CEP128: variants seen among roughly 807,000 people sequenced by gnomAD.
CEP128 encodes the protein centrosomal protein 128kDa.
In CEP128, 132 loss-of-function variants were observed where a neutral mutation model predicts 156.7. That is an observed-to-expected ratio of 0.84 (90% CI 0.73 to 0.97). The LOEUF (loss-of-function observed/expected upper bound fraction) is 0.97. Among genes scored for constraint, CEP128 ranks in the 50% least tolerant of loss-of-function variants. The probability of loss-of-function intolerance (pLI) is 0.00; values close to 1 mark genes in which losing one functional copy is unlikely to be tolerated. For missense variants in CEP128, 1,252 were observed against 1,281.9 expected (o/e 0.98, Z 0.36); for synonymous variants, 469 against 448.9 (o/e 1.04, Z -0.57).
rs140213266 is a variant in CEP128 at position 80,533,375 on chromosome 14, A to G, written c.2881-2489T>C. Among the ~76,000 whole-genome samples the G allele has an allele frequency of 1.1e-3, 171 of 152,242 alleles. 1 individual carries two copies. Among genetic ancestry groups the G allele is most frequent in the African/African-American group, 3.9e-3 (163 of 41,562 alleles). ...TTCTCATTTTGAAGTGATCTTCTGA[A>G]CCAAGGTTAAGTAAGTATGTAAAAC... On this transcript the variant is annotated intron_variant, in intron 21 of 24. Coordinates refer to ENST00000555265, the MANE Select transcript of CEP128 (RefSeq NM_152446.5).
intron 19 of CEP128, among the ~76,000 whole-genome samples, chr14:80,740,479 GA>G (rs1898761264): frequency 8.1e-6 from 1 of 123,278 alleles, no homozygotes; most frequent in African/African-American, 2.9e-5. Context: ...CACACACACA[GA>G]TTCATATTTA....
At chr14:80,635,350 A>G (rs1052728386) in intron 19 of CEP128, among the ~76,000 whole-genome samples, 8 of 152,216 alleles carry the variant, frequency 5.3e-5, no homozygotes, top group African/African-American at 1.7e-4. Flanking sequence ...AATTGACATC[A>G]TCACTATCAC....
chr14:80,735,558 C>A (rs1290972808), intron 19 of CEP128, among the ~76,000 whole-genome samples: 1 of 152,140 alleles, frequency 6.6e-6, no homozygotes, highest in African/African-American at 2.4e-5. Context: ...AATCAAGTAG[C>A]AGAGAACCTA....
intron 19 of CEP128, among the ~76,000 whole-genome samples, chr14:80,741,997 C>CCCCACAAATG (rs1898856655): frequency 6.6e-6 from 1 of 152,122 alleles, no homozygotes; most frequent in African/African-American, 2.4e-5. Context: ...CCACAGGGAC[C>CCCCACAAATG]TCAGCAGAAG....
chr14:80,688,663 T>C (rs1896607104), intron 19 of CEP128, among the ~76,000 whole-genome samples: 1 of 152,220 alleles, frequency 6.6e-6, no homozygotes, highest in Non-Finnish European at 1.5e-5. Flanking sequence ...TGTGAGTTGA[T>C]GCCAGCTGTT....
intron 16 of CEP128, among the ~76,000 whole-genome samples, chr14:80,776,255 A>G (rs966085191): frequency 1.3e-5 from 2 of 152,104 alleles, no homozygotes; most frequent in Non-Finnish European, 2.9e-5. Context: ...TTTTATTTTG[A>G]AAAAGTTGAA....
At chr14:80,927,239 C>T (rs1161560353) in intron 2 of CEP128, among the ~76,000 whole-genome samples, 1 of 152,194 alleles carries the variant, frequency 6.6e-6, no homozygotes, top group African/African-American at 2.4e-5. Context: ...GAACCTTCCA[C>T]TTGTGGGAAG....
intron 19 of CEP128, among the ~76,000 whole-genome samples, chr14:80,614,766 A>G (rs187893953): frequency 9.8e-5 from 15 of 152,310 alleles, no homozygotes; most frequent in African/African-American, 3.6e-4. Context: ...CTAGTGTACG[A>G]TGACTTTTCT....
chr14:80,837,912 C>T (rs763862432), intron 11 of CEP128, among the ~76,000 whole-genome samples: 1 of 152,156 alleles, frequency 6.6e-6, no homozygotes, highest in Non-Finnish European at 1.5e-5. Flanking sequence ...TTATCTTATA[C>T]ATTCAGTCTT....
intron 19 of CEP128, among the ~76,000 whole-genome samples, chr14:80,585,908 GATAAA>G (rs1396801980): frequency 7.3e-6 from 1 of 136,420 alleles, no homozygotes; most frequent in African/African-American, 2.6e-5. Context: ...AAATTCATCA[GATAAA>G]GCAGCACATT....
At chr14:80,782,711 A>T (rs1249925214) in intron 15 of CEP128, among the ~76,000 whole-genome samples, 1 of 151,710 alleles carries the variant, frequency 6.6e-6, no homozygotes, top group Non-Finnish European at 1.5e-5. Flanking sequence ...TTTTTTATCA[A>T]ATCCCCTCAC....
intron 21 of CEP128, among the ~76,000 whole-genome samples, chr14:80,547,146 C>G (rs1461080587): frequency 2.0e-5 from 3 of 152,270 alleles, no homozygotes; most frequent in African/African-American, 4.8e-5. Context: ...GTAATGCAAT[C>G]TAGGGGCAGG....
At chr14:80,630,669 C>T (rs762115940) in intron 19 of CEP128, among the ~76,000 whole-genome samples, 28 of 151,994 alleles carry the variant, frequency 1.8e-4, no homozygotes, top group Non-Finnish European at 2.9e-4. Flanking sequence ...AAGCCAACAA[C>T]CAAATATTTC....
chr14:80,888,463 A>G (rs1263516031), intron 8 of CEP128, among the ~76,000 whole-genome samples: 2 of 152,230 alleles, frequency 1.3e-5, no homozygotes, highest in African/African-American at 4.8e-5. Context: ...CTGGAATGCA[A>G]GGCTGGTTCA....
At chr14:80,657,849 C>A (rs762782988) in intron 19 of CEP128, among the ~76,000 whole-genome samples, 5 of 152,078 alleles carry the variant, frequency 3.3e-5, no homozygotes, top group Admixed American at 6.5e-5. Context: ...AAAAGAAATC[C>A]TTTGTAACCA....
intron 14 of CEP128, 74 bp from the exon 15 acceptor site, chr14:80,785,619 C>A: frequency 9.2e-7 from 1 of 1,084,456 alleles, no homozygotes; most frequent in Non-Finnish European, 1.3e-6. Flanking sequence ...CTCTGCCAGT[C>A]AGCAAAACAA....
intron 17 of CEP128, among the ~76,000 whole-genome samples, chr14:80,758,923 T>G (rs1430382536): frequency 6.6e-6 from 1 of 152,202 alleles, no homozygotes; most frequent in African/African-American, 2.4e-5. Context: ...ATTAGAAATT[T>G]GCAATGACTT....
intron 20 of CEP128, among the ~76,000 whole-genome samples, chr14:80,569,153 C>G (rs755800139): frequency 1.2e-4 from 18 of 152,036 alleles, no homozygotes; most frequent in Non-Finnish European, 2.2e-4. Flanking sequence ...ACTAATTTGA[C>G]TATAATAATT....
In CEP128 at chr14:80,587,387, A is replaced by G. The variant is rs144777021; in HGVS notation, c.2807-6964T>C. Reference sequence around the variant, plus strand: ...CATGCTGGTCTACAGATGGAGCCCAATTGGTCCAATAAATGAAAGGTTTAC... The same window carrying G: ...CATGCTGGTCTACAGATGGAGCCCAGTTGGTCCAATAAATGAAAGGTTTAC... On this transcript the variant is annotated intron_variant, in intron 19 of 24. Transcript: ENST00000555265. 2.4e-3 allele frequency among the ~76,000 whole-genome samples: 363 copies of G among 152,282 alleles called. 1 individual carries two copies. The highest frequency in any genetic ancestry group is 8.2e-3 in the African/African-American group (342 of 41,550).
Sources: allele counts gnomAD v4.1 joint callset (sites outside exome capture counted in the v4.1 genomes callset), GRCh38; gene constraint gnomAD v4.1.1; transcripts MANE v1.5; gene names NCBI Gene and HGNC (gene_info 2026-07-23, HGNC 2026-07-21).